Variants in ELMOD1 observed in about 807,000 individuals in gnomAD.
The protein encoded by ELMOD1 is ELMO domain-containing protein 1.
ELMOD1 carries 21 observed loss-of-function variants against 46.7 expected under a neutral mutation model. That is an observed-to-expected ratio of 0.45 (90% CI 0.32 to 0.65). The LOEUF is 0.65. ELMOD1 is among the 30% of genes least tolerant of loss of function. ELMOD1 has a pLI of 0.04. For missense variants in ELMOD1, 348 were observed against 407.8 expected (o/e 0.85, Z 1.26); for synonymous variants, 122 against 138.2 (o/e 0.88, Z 0.82).
At chr11:107,654,866 A>T (rs1230962864) in intron 10 of ELMOD1, among the ~76,000 whole-genome samples, 2 of 150,540 alleles carry the variant, frequency 1.3e-5, no homozygotes, top group Non-Finnish European at 3.0e-5. Flanking sequence ...TAGTTTTTTT[A>T]TAATGCCCCA....
At chr11:107,605,054 T>A (rs1297191546) in intron 1 of ELMOD1, among the ~76,000 whole-genome samples, 1 of 152,246 alleles carries the variant, frequency 6.6e-6, no homozygotes, top group African/African-American at 2.4e-5. Flanking sequence ...TATTTTATCA[T>A]GGTTTTATTG....
intron 11 of ELMOD1, among the ~76,000 whole-genome samples, chr11:107,664,703 G>C (rs1455717874): frequency 1.3e-5 from 2 of 151,890 alleles, no homozygotes; most frequent in Non-Finnish European, 2.9e-5. Flanking sequence ...GAAGGATGAA[G>C]TAGTCACTGT....
At chr11:107,633,171 G>C (rs1211425454) in intron 5 of ELMOD1, among the ~76,000 whole-genome samples, 1 of 152,168 alleles carries the variant, frequency 6.6e-6, no homozygotes, top group Non-Finnish European at 1.5e-5. Flanking sequence ...AAGCATGTCA[G>C]ATAAGGGTTA....
chr11:107,616,334 C>T (rs117196970), intron 1 of ELMOD1, among the ~76,000 whole-genome samples: 1 of 151,578 alleles, frequency 6.6e-6, no homozygotes, highest in African/African-American at 2.4e-5. Flanking sequence ...CCACACTGTA[C>T]TCAGAAAGTC....
chr11:107,609,861 A>G (rs1455086323), intron 1 of ELMOD1, among the ~76,000 whole-genome samples: 2 of 152,180 alleles, frequency 1.3e-5, no homozygotes, highest in African/African-American at 4.8e-5. Context: ...AAATTACTAC[A>G]AATCAGGGGA....
At chr11:107,629,027 A>C (rs565693012) in intron 2 of ELMOD1, among the ~76,000 whole-genome samples, 281 of 152,316 alleles carry the variant, frequency 1.8e-3, no homozygotes, top group African/African-American at 6.5e-3. Flanking sequence ...TCTAGGACAT[A>C]ATCTTGTTGC....
intron 1 of ELMOD1, among the ~76,000 whole-genome samples, chr11:107,609,153 A>G (rs939278757): frequency 3.3e-5 from 5 of 152,358 alleles, no homozygotes; most frequent in South Asian, 2.1e-4. Context: ...AGTAAAGCTT[A>G]CAGCATATTG....
At chr11:107,618,315 A>G (rs1865894431) in intron 2 of ELMOD1, 109 bp downstream of exon 2, 5 of 1,287,946 alleles carry the variant, frequency 3.9e-6, no homozygotes, top group East Asian at 2.5e-5. Context: ...CAGGACTCCT[A>G]AGATTCTGTG....
At chr11:107,658,043 G>C (rs1446585673) in intron 11 of ELMOD1, among the ~76,000 whole-genome samples, 1 of 133,402 alleles carries the variant, frequency 7.5e-6, no homozygotes, top group Non-Finnish European at 1.5e-5. Context: ...GAGAAAATAA[G>C]TGACTATGTG....
At chr11:107,663,377 G>A (rs1247338410) in intron 11 of ELMOD1, among the ~76,000 whole-genome samples, 3 of 152,176 alleles carry the variant, frequency 2.0e-5, no homozygotes, top group Non-Finnish European at 4.4e-5. Context: ...AGGCACAGTG[G>A]CATGTGCCTG....
intron 9 of ELMOD1, among the ~76,000 whole-genome samples, chr11:107,652,866 T>C (rs2135711405): frequency 6.6e-6 from 1 of 152,358 alleles, no homozygotes; most frequent in South Asian, 2.1e-4. Context: ...GTGTGTATTA[T>C]ATGCATGTCT....
intron 1 of ELMOD1, among the ~76,000 whole-genome samples, chr11:107,607,867 G>A (rs929496847): frequency 5.3e-5 from 8 of 151,974 alleles, no homozygotes; most frequent in Admixed American, 3.3e-4. Flanking sequence ...AGCGCAAACT[G>A]AGGAAATTAA....
At chr11:107,645,233 G>A (rs1591130247) in intron 6 of ELMOD1, among the ~76,000 whole-genome samples, 4 of 151,886 alleles carry the variant, frequency 2.6e-5, no homozygotes, top group South Asian at 2.1e-4. Context: ...CACCGTGCCC[G>A]GCCCTCTAAA....
At position 107,631,628 on chromosome 11, in the gene ELMOD1, A is replaced by G. The variant is rs774656975; in HGVS notation, c.241A>G (p.Ile81Val). ...TCACCCCGACGCTATTGAAAAAACTATAGAAGATATCATGGAACTGAAAAA... is the reference window on the plus strand; with the variant it reads ...TCACCCCGACGCTATTGAAAAAACTGTAGAAGATATCATGGAACTGAAAAA... ...SVHPDAIEKT[I>V]EDIMELKKIN... The change falls in exon 5 of 12, where the codon ATA (isoleucine) becomes GTA (valine). Residue 81 changes from isoleucine (I) to valine (V), a missense_variant. Physicochemically the swap from Ile to Val is conservative, Grantham distance 29. Coordinates refer to ENST00000265840, the MANE Select transcript of ELMOD1 (RefSeq NM_018712.4). 64 of 1,564,882 alleles carry G rather than the reference A, an allele frequency of 4.1e-5. No individual in the cohort carries two copies. Among genetic ancestry groups the G allele is most frequent in the Non-Finnish European group, 5.5e-5 (63 of 1,153,778 alleles).
chr11:107,618,736 A>C (rs1356606056), intron 2 of ELMOD1, among the ~76,000 whole-genome samples: 1 of 152,150 alleles, frequency 6.6e-6, no homozygotes, highest in African/African-American at 2.4e-5. Flanking sequence ...TTCCCTGAAG[A>C]TTGTGCTGGA....
chr11:107,607,493 C>CA (rs376946632), intron 1 of ELMOD1, among the ~76,000 whole-genome samples: 112 of 151,982 alleles, frequency 7.4e-4, no homozygotes, highest in African/African-American at 2.5e-3. Context: ...CCTGTTTCTA[C>CA]AAAAAAATAC....
At chr11:107,619,996 C>T (rs1468638933) in intron 2 of ELMOD1, 1 of 152,146 alleles carries the variant, frequency 6.6e-6, no homozygotes, top group Non-Finnish European at 1.5e-5. Flanking sequence ...TAAAAGGAAA[C>T]TTGATCATTT....
chr11:107,633,132 A>C (rs1866168905), intron 5 of ELMOD1, among the ~76,000 whole-genome samples: 1 of 152,244 alleles, frequency 6.6e-6, no homozygotes, highest in South Asian at 2.1e-4. Flanking sequence ...ATATGCAACT[A>C]TTCCAAAATC....
intron 6 of ELMOD1, among the ~76,000 whole-genome samples, chr11:107,645,451 G>C (rs1204870609): frequency 2.0e-5 from 3 of 152,182 alleles, no homozygotes; most frequent in East Asian, 1.9e-4. Flanking sequence ...AGCCTCCCAA[G>C]TAGTTGGGAT....
Sources: allele counts gnomAD v4.1 joint callset (sites outside exome capture counted in the v4.1 genomes callset), GRCh38; gene constraint gnomAD v4.1.1; transcripts MANE v1.5; gene names NCBI Gene and HGNC (gene_info 2026-07-23, HGNC 2026-07-21).